Variants in PLXNC1 observed in about 807,000 individuals in gnomAD.
PLXNC1 encodes plexin-C1.
PLXNC1 carries 75 observed loss-of-function variants against 178.2 expected under a neutral mutation model. That is an observed-to-expected ratio of 0.42 (90% CI 0.35 to 0.51). The LOEUF (loss-of-function observed/expected upper bound fraction) is 0.51, where lower values mean the gene tolerates loss of function less well. PLXNC1 is among the 20% of genes least tolerant of loss of function. The pLI is 0.02. For synonymous variants in PLXNC1, 790 were observed against 779.9 expected (o/e 1.01, Z -0.22); for missense variants, 1,503 against 1,984.4 (o/e 0.76, Z 4.61).
intron 24 of PLXNC1, among the ~76,000 whole-genome samples, chr12:94,295,305 A>C (rs1424712421): frequency 6.6e-6 from 1 of 152,204 alleles, no homozygotes; most frequent in Non-Finnish European, 1.5e-5. Flanking sequence ...TACAGACAGG[A>C]TAATTGGGTA....
intron 27 of PLXNC1, 73 bp downstream of exon 27, chr12:94,298,868 T>C: frequency 2.2e-6 from 3 of 1,394,386 alleles, no homozygotes; most frequent in Non-Finnish European, 3.0e-6. Context: ...AAGACATAGA[T>C]AGTTATAGAA....
At chr12:94,288,672 T>TTATC (rs1966947596) in intron 23 of PLXNC1, among the ~76,000 whole-genome samples, 1 of 152,234 alleles carries the variant, frequency 6.6e-6, no homozygotes, top group Non-Finnish European at 1.5e-5. Context: ...CTCAGCAAGG[T>TTATC]TATCCCTCAA....
chr12:94,148,996 C>T lies in PLXNC1; in HGVS notation c.25C>T (p.Pro9Ser). ...CATGGAGGTCTCCCGGAGGAAGGCG[C>T]CGCCGCGCCCCCCGCGCCCCGCAGC... MEVSRRKA[P>S]PRPPRPAAPL... is the part of the protein sequence containing the mutation. The change falls in exon 1 of 31, where the codon CCG becomes TCG. Residue 9 changes from proline (P) to serine (S), a missense_variant. Physicochemically the swap from Pro to Ser is moderately conservative, Grantham distance 74 (BLOSUM62 -1). This residue lies in a region of PLXNC1 where 176 missense variants were observed against 180.7 expected (regional missense o/e 0.97). Coordinates refer to ENST00000258526, the MANE Select transcript of PLXNC1 (RefSeq NM_005761.3). This position sits in a 1 kb window ranked among gnomAD's most constrained non-coding sequence, Gnocchi z 4.8. 6.9e-7 allele frequency: 1 copy of T among 1,451,670 alleles called. No individual in the cohort carries two copies. Among genetic ancestry groups the T allele is most frequent in the Non-Finnish European group, 9.0e-7 (1 of 1,109,920 alleles). The allele number at this position is 1,451,670 out of a possible 1,614,324, so 89.9% of individuals were successfully genotyped here.
chr12:94,262,528 T>A, intron 20 of PLXNC1: 1 of 985,470 alleles, frequency 1.0e-6, no homozygotes, highest in Non-Finnish European at 1.2e-6. Context: ...TTCACAGTGC[T>A]GATTCAAGAG....
At chr12:94,267,533 C>T (rs1461652268) in intron 21 of PLXNC1, among the ~76,000 whole-genome samples, 1 of 152,120 alleles carries the variant, frequency 6.6e-6, no homozygotes, top group Admixed American at 6.5e-5. Flanking sequence ...CCACATAAAT[C>T]TTCCTTTTCA....
chr12:94,169,346 CT>C lies in PLXNC1; in HGVS notation c.1203+56del, dbSNP rs375215399. The C allele has an allele frequency of 6.5e-5, 96 of 1,488,364 alleles. 2 individuals carry two copies. The African/African-American group carries it at 1.0e-3, about 16-fold the overall frequency. 92.2% of individuals were successfully genotyped at this position (1,488,364 alleles called of 1,614,324 possible). A position where few individuals can be genotyped will look rare whatever the true frequency, so the allele number is the denominator to read the frequency against. On this transcript the variant is annotated intron_variant, in intron 2 of 30. Transcript: ENST00000258526. ...TCTATTTTAATGGTGATATTTTGTA[CT>C]TTAAAAAAACATTTTTTTAATGCTT... is the stretch of plus-strand genomic sequence containing the variant.
intron 4 of PLXNC1, among the ~76,000 whole-genome samples, chr12:94,188,382 G>A (rs1334108918): frequency 6.7e-6 from 1 of 148,294 alleles, no homozygotes; most frequent in African/African-American, 2.5e-5. Context: ...GGGTGCAGTG[G>A]CATGATCTTG....
intron 4 of PLXNC1, among the ~76,000 whole-genome samples, chr12:94,198,054 C>T (rs1254195523): frequency 6.6e-6 from 1 of 152,148 alleles, no homozygotes; most frequent in Non-Finnish European, 1.5e-5. Flanking sequence ...CAGTGAGTAA[C>T]ACAGGTCAAA....
rs145796233 is a variant in PLXNC1, at chr12:94,181,163, G to A, written c.1204-283G>A. 5.7e-3 allele frequency among the ~76,000 whole-genome samples: 868 copies of A among 152,132 alleles called. 12 individuals carry two copies. The highest frequency in any genetic ancestry group is 0.019 in the African/African-American group (808 of 41,484). On this transcript the variant is annotated intron_variant, in intron 2 of 30. Transcript: ENST00000258526. ...ACCTGTTACCCCAGCACTTTGGGAG[G>A]CTGAGGCGGGTGGATCACGAGGTCA...
chr12:94,229,804 A>G (rs1162652155), intron 9 of PLXNC1, among the ~76,000 whole-genome samples: 3 of 152,220 alleles, frequency 2.0e-5, no homozygotes, highest in African/African-American at 7.2e-5. Flanking sequence ...GTAGCTTTGT[A>G]AAGTAAATTT....
intron 20 of PLXNC1, chr12:94,262,492 T>C (rs755063434): frequency 1.2e-5 from 12 of 985,504 alleles, no homozygotes; most frequent in Non-Finnish European, 1.4e-5. Flanking sequence ...AACAGCCTCC[T>C]TGAGCAAAGC....
At chr12:94,303,693 CTTTTTTT>C in intron 28 of PLXNC1, 56 bp from the exon 29 acceptor site, 3 of 699,124 alleles carry the variant, frequency 4.3e-6, no homozygotes, top group African/African-American at 2.9e-5. Context: ...ATTCCTCCAT[CTTTTTTT>C]TTTTTTTTTT....
In PLXNC1 at chr12:94,279,630, G is replaced by A. The variant is rs1309413469; in HGVS notation, c.3756G>A (p.Gln1252=). The A allele has an allele frequency of 6.2e-7, 1 of 1,614,234 alleles. No individual in the cohort carries two copies. Among genetic ancestry groups the A allele is most frequent in the South Asian group, 1.1e-5 (1 of 91,084 alleles). ...LSKNGSPYGL[Q]LNEIGLELQM... is the part of the protein sequence containing the mutation. ...AAAATGGCTCTCCTTATGGACTTCA[G>A]CTTAATGAAATTGGTCTTGGTAAGG... is the stretch of plus-strand genomic sequence containing the variant. The change falls in exon 22 of 31, where the codon CAG becomes CAA. Residue 1252 remains glutamine (Q), a synonymous_variant. Transcript: ENST00000258526.
At chr12:94,171,293 T>G (rs2135943341) in intron 2 of PLXNC1, among the ~76,000 whole-genome samples, 1 of 152,300 alleles carries the variant, frequency 6.6e-6, no homozygotes, top group African/African-American at 2.4e-5. Flanking sequence ...GGGGTACCCA[T>G]TCAGAAGCCA....
chr12:94,208,004 T>C (rs988217989), intron 4 of PLXNC1, among the ~76,000 whole-genome samples: 25 of 152,176 alleles, frequency 1.6e-4, no homozygotes, highest in African/African-American at 5.8e-4. Context: ...TTGACAGTCA[T>C]GATCTATTTC....
At chr12:94,301,415 C>T (rs1234441598) in intron 28 of PLXNC1, among the ~76,000 whole-genome samples, 2 of 152,140 alleles carry the variant, frequency 1.3e-5, no homozygotes, top group African/African-American at 4.8e-5. Context: ...TTTGAATATA[C>T]ATAAAATGCC....
Position 94,149,589 on chromosome 12 carries a change from G to A in PLXNC1, c.618G>A (p.Ala206=), listed in dbSNP as rs756300206. ...CATCCGACCACGACACGGCCATCGCGCTCAAGGACACGGAGGGGCGCAGCC... is the reference window on the plus strand; with the variant it reads ...CATCCGACCACGACACGGCCATCGCACTCAAGGACACGGAGGGGCGCAGCC... The part of the protein sequence containing the change: ...PAASDHDTAI[A]LKDTEGRSLA... The change falls in exon 1 of 31, where the codon GCG becomes GCA. Residue 206 remains alanine (A), a synonymous_variant. Coordinates refer to ENST00000258526, the MANE Select transcript of PLXNC1 (RefSeq NM_005761.3). 6.4e-7 allele frequency: 1 copy of A among 1,572,856 alleles called. No individual in the cohort carries two copies. The highest frequency in any genetic ancestry group is 8.6e-7 in the Non-Finnish European group (1 of 1,161,766).
At chr12:94,170,779 A>T (rs1293839503) in intron 2 of PLXNC1, among the ~76,000 whole-genome samples, 2 of 152,078 alleles carry the variant, frequency 1.3e-5, no homozygotes. Context: ...TATGGGAGGG[A>T]GTTTGTTTGT....
Position 94,148,924 on chromosome 12 carries a change from C to A in PLXNC1, c.-48C>A. Reference sequence around the variant, plus strand: ...GCGTCTCCGTTGCCGCGCGCCTGAGCCGCCGTCGCCGCCGCGCGCCCTGCC... The same window carrying A: ...GCGTCTCCGTTGCCGCGCGCCTGAGACGCCGTCGCCGCCGCGCGCCCTGCC... On this transcript the variant is annotated 5_prime_UTR_variant, in exon 1 of 31. Transcript: ENST00000258526. The surrounding 1 kb of genome is among the most constrained non-coding windows in gnomAD (Gnocchi z 4.8). The A allele has an allele frequency of 1.4e-6, 1 of 736,506 alleles. No homozygotes were observed. The highest frequency in any genetic ancestry group is 1.8e-6 in the Non-Finnish European group (1 of 564,912). The allele number at this position is 736,506 out of a possible 1,614,324, so 45.6% of individuals were successfully genotyped here. A position where few individuals can be genotyped will look rare whatever the true frequency, so the allele number is the denominator to read the frequency against.
Sources: allele counts gnomAD v4.1 joint callset (sites outside exome capture counted in the v4.1 genomes callset), GRCh38; gene constraint gnomAD v4.1.1; regional missense constraint gnomAD v4.1.1; non-coding constraint Gnocchi (gnomAD v3.1); transcripts MANE v1.5; gene names NCBI Gene and HGNC (gene_info 2026-07-23, HGNC 2026-07-21).